The following ORC3 variants were observed in gnomAD, a reference collection of about 807,000 sequenced individuals.
ORC3 encodes origin recognition complex subunit 3.
In ORC3, 78 loss-of-function variants were observed where a neutral mutation model predicts 100.7. The observed-to-expected ratio is 0.77, with a 90% CI of 0.65 to 0.94. The LOEUF is 0.94. Among genes scored for constraint, ORC3 ranks in the 40% least tolerant of loss-of-function variants. The pLI is 0.00. For synonymous variants in ORC3, 295 were observed against 289.3 expected, an observed-to-expected ratio of 1.02 and a Z score of -0.20; for missense variants, 789 against 823.9, an observed-to-expected ratio of 0.96 and a Z score of 0.52.
chr6:87,666,420 T>A (rs113473809), intron 19 of ORC3, among the ~76,000 whole-genome samples: 7 of 142,808 alleles, frequency 4.9e-5, no homozygotes, highest in Non-Finnish European at 7.5e-5. Context: ...GTGAGCCACC[T>A]CACCCGGCCT....
chr6:87,599,841 C>T (rs926519488), intron 2 of ORC3, among the ~76,000 whole-genome samples: 12 of 151,998 alleles, frequency 7.9e-5, no homozygotes, highest in Admixed American at 7.9e-4. Context: ...GATGTGGTCG[C>T]GGGCGCCTGT....
chr6:87,657,807 A>T (rs1435734573), intron 15 of ORC3, 114 bp from the exon 16 acceptor site: 1 of 578,250 alleles, frequency 1.7e-6, no homozygotes, highest in Non-Finnish European at 3.2e-6. Flanking sequence ...TTCTCTGTAC[A>T]TCCTGTCTTA....
the ORC3 span, among the ~76,000 whole-genome samples, chr6:87,676,905 T>C: frequency 1.3e-5 from 2 of 150,042 alleles, no homozygotes; most frequent in African/African-American, 4.9e-5. Context: ...TGAAACCCTG[T>C]CTCTACTAAA....
At position 87,652,100 on chromosome 6, in the gene ORC3, G is replaced by A. The variant is rs377385201; in HGVS notation, c.1383-1016G>A. ...ATTTTAGTAGAGACGAGGTTTCACC[G>A]TGGTAGCCAGGATGGTCTTGATCTC... On this transcript the variant is annotated intron_variant, in intron 13 of 19. Coordinates refer to ENST00000392844, the MANE Select transcript of ORC3 (RefSeq NM_012381.4). 4.7e-4 allele frequency among the ~76,000 whole-genome samples: 71 copies of A among 152,036 alleles called. 1 individual carries two copies. Among genetic ancestry groups the A allele is most frequent in the Non-Finnish European group, 8.5e-4 (58 of 67,968 alleles).
At chr6:87,605,847 TTAAA>T in intron 4 of ORC3, 66 bp from the exon 5 acceptor site, 1 of 842,350 alleles carries the variant, frequency 1.2e-6, no homozygotes, top group Non-Finnish European at 2.0e-6. Flanking sequence ...GCTTGATATG[TTAAA>T]TAGCTTTTGT....
chr6:87,634,775 A>C lies in ORC3; in HGVS notation c.1186-70A>C, dbSNP rs977078437. 2.0e-5 allele frequency: 15 copies of C among 765,524 alleles called. No individual in the cohort carries two copies. In the East Asian group the frequency reaches 3.5e-4, roughly 18 times the overall value. The allele number at this position is 765,524 out of a possible 1,614,324, so 47.4% of individuals were successfully genotyped here. On this transcript the variant is annotated intron_variant, in intron 11 of 19. Transcript: ENST00000392844. The stretch of plus-strand genomic sequence containing the variant: ...TTTTCCAGAAATTTTTATAGCCATG[A>C]AGTAGATTGTATTATTATGCTCTTT...
At chr6:87,669,736 C>A (rs1159890462), downstream of ORC3, among the ~76,000 whole-genome samples, 1 of 152,156 alleles carries the variant, frequency 6.6e-6, no homozygotes, top group East Asian at 1.9e-4. Context: ...CCATGTGTTT[C>A]ATTTTTTAAA....
In ORC3 at chr6:87,610,602, G is replaced by A. The variant is rs1248693861; in HGVS notation, c.713+1373G>A. On this transcript the variant is annotated intron_variant, in intron 7 of 19. Coordinates refer to ENST00000392844, the MANE Select transcript of ORC3 (RefSeq NM_012381.4). ...CGCTCTGTCGCCCAGGTCGGACTGC[G>A]GACTGCAGTGGCGCAATCTCGGCTC... is the stretch of plus-strand genomic sequence containing the variant. Among the ~76,000 whole-genome samples, 9 of 133,620 alleles carry A rather than the reference G, an allele frequency of 6.7e-5. 1 individual carries two copies. The highest frequency in any genetic ancestry group is 1.5e-4 in the African/African-American group (5 of 32,320). The allele number at this position is 133,620 out of a possible 152,430, so 87.7% of individuals were successfully genotyped here. A position where few individuals can be genotyped will look rare whatever the true frequency, so the allele number is the denominator to read the frequency against.
intron 15 of ORC3, among the ~76,000 whole-genome samples, chr6:87,657,680 T>C (rs1331115252): frequency 1.3e-5 from 2 of 152,230 alleles, no homozygotes; most frequent in African/African-American, 4.8e-5. Flanking sequence ...TAAAGTGAAC[T>C]GCCCTTTTCT....
intron 9 of ORC3, among the ~76,000 whole-genome samples, chr6:87,618,515 G>A (rs34455158): frequency 0.064 from 9,774 of 152,158 alleles, 405 homozygotes; most frequent in African/African-American, 0.12. Flanking sequence ...TGCTATGAAA[G>A]AAACATGCCC....
chr6:87,653,137 G>A lies in ORC3; in HGVS notation c.1404G>A (p.Leu468=). 17 of 1,613,240 alleles carry A rather than the reference G, an allele frequency of 1.1e-5. No individual in the cohort carries two copies. Among genetic ancestry groups the A allele is most frequent in the Non-Finnish European group, 1.4e-5 (16 of 1,179,298 alleles). The change falls in exon 14 of 20, where the codon CTG becomes CTA. Residue 468 remains leucine, a synonymous_variant. Coordinates refer to ENST00000392844, the MANE Select transcript of ORC3 (RefSeq NM_012381.4). ...CTAGGATGTTGGCAAAGGATGAACT[G>A]ATGACCATACTTGAGAAATGTTTCA... ...QLLRMLAKDE[L]MTILEKCFKV...
At chr6:87,673,024 T>C in the ORC3 span, among the ~76,000 whole-genome samples, 5 of 152,072 alleles carry the variant, frequency 3.3e-5, no homozygotes, top group Admixed American at 1.3e-4. Context: ...AAATAATCTA[T>C]TGAAATCATG....
chr6:87,591,694 A>G (rs1776990710), intron 1 of ORC3, among the ~76,000 whole-genome samples: 1 of 152,132 alleles, frequency 6.6e-6, no homozygotes, highest in East Asian at 1.9e-4. Context: ...TTTAAGAACT[A>G]TTTCATGAAT....
intron 16 of ORC3, 70 bp from the exon 17 acceptor site, chr6:87,662,933 T>C: frequency 2.0e-6 from 2 of 995,696 alleles, no homozygotes; most frequent in Non-Finnish European, 2.7e-6. Flanking sequence ...AAGGAAAAAA[T>C]ATATATATTA....
chr6:87,594,452 A>G (rs766988388), intron 2 of ORC3, 45 bp downstream of exon 2: 3 of 1,478,612 alleles, frequency 2.0e-6, no homozygotes, highest in Non-Finnish European at 2.8e-6. Context: ...ACCTTCTTAA[A>G]CTATTAGGAA....
intron 13 of ORC3, among the ~76,000 whole-genome samples, chr6:87,637,451 C>T (rs187663959): frequency 1.0e-3 from 157 of 152,248 alleles, no homozygotes; most frequent in African/African-American, 3.7e-3. Flanking sequence ...TTTTTAAAAT[C>T]CCAACAAGAT....
chr6:87,616,112 ATAAG>A (rs1205171339), intron 8 of ORC3, among the ~76,000 whole-genome samples, 198 bp from the exon 9 acceptor site: 1 of 152,178 alleles, frequency 6.6e-6, no homozygotes, highest in Non-Finnish European at 1.5e-5. Flanking sequence ...AAGATACAGT[ATAAG>A]TAGCTTCTTT....
chr6:87,627,302 T>A (rs1350122012), intron 11 of ORC3, among the ~76,000 whole-genome samples: 2 of 131,960 alleles, frequency 1.5e-5, no homozygotes, highest in Non-Finnish European at 3.2e-5. Flanking sequence ...CCCAGCTTTT[T>A]TTTTTTTTTT....
At chr6:87,664,328 C>A (rs1770433806) in intron 17 of ORC3, among the ~76,000 whole-genome samples, 2 of 151,978 alleles carry the variant, frequency 1.3e-5, no homozygotes, top group Admixed American at 1.3e-4. Context: ...GAAATTTATA[C>A]CCCTGGTAAG....
Sources: gnomAD v4.1 joint callset for allele counts (sites outside exome capture counted in the v4.1 genomes callset) on GRCh38, gnomAD v4.1.1 for gene constraint, MANE v1.5 for transcripts, NCBI Gene and HGNC (gene_info 2026-07-23, HGNC 2026-07-21) for gene names.